BCL7C: variants seen among roughly 807,000 people sequenced by gnomAD.
BCL7C encodes B-cell CLL/lymphoma 7 protein family member C.
BCL7C carries 8 observed loss-of-function variants against 26.2 expected under a neutral mutation model. That is an observed-to-expected ratio of 0.30 (90% CI 0.18 to 0.55). The LOEUF is 0.55. Ranked by LOEUF, BCL7C falls within the 20% of genes least tolerant of loss-of-function variation. The pLI is 0.93. For synonymous variants in BCL7C, 90 were observed against 116.5 expected, an observed-to-expected ratio of 0.77 and a Z score of 1.47; for missense variants, 262 against 298.5, an observed-to-expected ratio of 0.88 and a Z score of 0.90.
chr16:30,884,417 C>T (rs1298857487), downstream of BCL7C, among the ~76,000 whole-genome samples: 1 of 151,756 alleles, frequency 6.6e-6, no homozygotes, highest in Non-Finnish European at 1.5e-5. Context: ...AAGGCTGTCT[C>T]TCCATGTGTG....
At chr16:30,847,566 C>T (rs1334651892) in intron 5 of BCL7C, among the ~76,000 whole-genome samples, 9 of 152,006 alleles carry the variant, frequency 5.9e-5, no homozygotes, top group Admixed American at 5.9e-4. Flanking sequence ...GAGACCAAGG[C>T]GGGTGGATCA....
At chr16:30,837,133 A>T (rs889584810) in intron 5 of BCL7C, among the ~76,000 whole-genome samples, 3 of 151,618 alleles carry the variant, frequency 2.0e-5, no homozygotes, top group African/African-American at 7.3e-5. Context: ...AACTCTCGTC[A>T]CTGAGTGAAA....
chr16:30,839,031 C>T (rs1448648154), intron 5 of BCL7C, among the ~76,000 whole-genome samples: 1 of 152,150 alleles, frequency 6.6e-6, no homozygotes, highest in African/African-American at 2.4e-5. Flanking sequence ...GTATTTGAGT[C>T]CACAGGATCT....
In BCL7C at chr16:30,893,850, C is replaced by T; in HGVS notation, c.92+3G>A. The T allele has an allele frequency of 6.2e-7, 1 of 1,601,298 alleles. No homozygotes were observed. The highest frequency in any genetic ancestry group is 8.5e-7 in the Non-Finnish European group (1 of 1,178,804). On this transcript the variant is annotated splice_donor_region_variant and intron_variant, in intron 1 of 5. Coordinates refer to ENST00000215115, the MANE Select transcript of BCL7C (RefSeq NM_004765.4). This position sits in a 1 kb window ranked among gnomAD's most constrained non-coding sequence, Gnocchi z 5.2. ...CCGTCCCTGGCCCCCGAGCAGCGCTCACCATCTCCGGACCTTCTCGATGGT... is the reference window on the plus strand; with the variant it reads ...CCGTCCCTGGCCCCCGAGCAGCGCTTACCATCTCCGGACCTTCTCGATGGT...
rs2055296478 is a variant in BCL7C, at chr16:30,893,705, CG to C, written c.92+147del. ...AGACCCCCAGGAGTAGCCAGGCGAA[CG>C]GGGACAGAGCCCTGTGGATCCAGGG... is the stretch of plus-strand genomic sequence containing the variant. On this transcript the variant is annotated intron_variant, in intron 1 of 5. Coordinates refer to ENST00000215115, the MANE Select transcript of BCL7C (RefSeq NM_004765.4). This position sits in a 1 kb window ranked among gnomAD's most constrained non-coding sequence, Gnocchi z 5.2. The C allele has an allele frequency of 1.5e-6, 1 of 675,670 alleles. No individual in the cohort carries two copies. The highest frequency in any genetic ancestry group is 2.5e-6 in the Non-Finnish European group (1 of 392,666). 41.9% of individuals were successfully genotyped at this position (675,670 alleles called of 1,614,324 possible).
chr16:30,867,533 C>A (rs1352711272), intron 5 of BCL7C, among the ~76,000 whole-genome samples: 1 of 152,088 alleles, frequency 6.6e-6, no homozygotes. Context: ...ATCAGAGACT[C>A]GGCCATCCCA....
intron 2 of BCL7C, 49 bp from the exon 3 acceptor site, chr16:30,892,997 C>T (rs1450230109): frequency 1.3e-6 from 2 of 1,546,596 alleles, no homozygotes; most frequent in Admixed American, 1.8e-5. Context: ...CCCCACCATA[C>T]ACCTAAGGAA....
In BCL7C at chr16:30,853,038, C is replaced by T. The variant is rs372875104; in HGVS notation, c.529-17890G>A. Among the ~76,000 whole-genome samples, 404 of 151,898 alleles carry T rather than the reference C, an allele frequency of 2.7e-3. 9 individuals carry two copies. The highest frequency in any genetic ancestry group is 0.026 in the South Asian group (124 of 4,810). ...GCACCCTCCGCCTCCTGTGTTCAAG[C>T]GATTCTCCTGTCTCTGCCTCCCGAG... is the stretch of plus-strand genomic sequence containing the variant. On this transcript the variant is annotated intron_variant, in intron 5 of 5. Coordinates refer to the BCL7C transcript ENST00000380317.
Position 30,893,282 on chromosome 16 carries a change from C to G in BCL7C, c.101G>C (p.Arg34Pro). 1 of 1,613,358 alleles carries G rather than the reference C, an allele frequency of 6.2e-7. No individual in the cohort carries two copies. Among genetic ancestry groups the G allele is most frequent in the Non-Finnish European group, 8.5e-7 (1 of 1,179,576 alleles). The change falls in exon 2 of 6, where the codon CGA becomes CCA. Residue 34 changes from arginine (R) to proline (P), a missense_variant. By Grantham distance (103) the Arg-to-Pro change is moderately radical. Coordinates refer to ENST00000215115, the MANE Select transcript of BCL7C (RefSeq NM_004765.4). The surrounding 1 kb of genome is among the most constrained non-coding windows in gnomAD (Gnocchi z 5.2). ...TIEKVRRWEK[R>P]WVTVGDTSLR... ...GGAAGTGTCGCCCACAGTCACCCATCGCTTCTCCCTGTGGGAGGGTGGGGG... is the reference window on the plus strand; with the variant it reads ...GGAAGTGTCGCCCACAGTCACCCATGGCTTCTCCCTGTGGGAGGGTGGGGG...
intron 4 of BCL7C, among the ~76,000 whole-genome samples, chr16:30,891,643 A>T (rs1280117298): frequency 1.3e-5 from 2 of 152,042 alleles, no homozygotes; most frequent in African/African-American, 4.8e-5. Flanking sequence ...TATGTGTCCC[A>T]TATTATTCTG....
At chr16:30,888,788 T>C in intron 5 of BCL7C, 72 bp downstream of exon 5, 1 of 1,456,318 alleles carries the variant, frequency 6.9e-7, no homozygotes, top group South Asian at 1.2e-5. Context: ...GGACGCAGGC[T>C]CCAAGCCTTC....
chr16:30,889,373 A>G (rs2055188144), intron 4 of BCL7C, among the ~76,000 whole-genome samples: 1 of 152,166 alleles, frequency 6.6e-6, no homozygotes, highest in Non-Finnish European at 1.5e-5. Context: ...GGCACACAGT[A>G]AGTGCTCAAT....
chr16:30,838,650 G>A (rs1423879700), intron 5 of BCL7C, among the ~76,000 whole-genome samples: 1 of 152,206 alleles, frequency 6.6e-6, no homozygotes, highest in Non-Finnish European at 1.5e-5. Flanking sequence ...AGCAGGGATT[G>A]GTGGCAGTCA....
intron 5 of BCL7C, among the ~76,000 whole-genome samples, chr16:30,869,630 G>A (rs540875244): frequency 1.3e-5 from 2 of 151,720 alleles, no homozygotes; most frequent in South Asian, 2.1e-4. Context: ...TCCTGCCTTC[G>A]CCTGCAGTGT....
chr16:30,878,245 G>A (rs181567220), intron 5 of BCL7C, among the ~76,000 whole-genome samples: 1 of 151,218 alleles, frequency 6.6e-6, no homozygotes, highest in Admixed American at 6.6e-5. Flanking sequence ...AATGTCTGGG[G>A]TGGGGCCGGG....
chr16:30,849,033 A>G (rs913109317), intron 5 of BCL7C, among the ~76,000 whole-genome samples: 6 of 152,028 alleles, frequency 3.9e-5, no homozygotes, highest in Admixed American at 3.9e-4. Context: ...TAAAAATACA[A>G]AAAATTAACC....
chr16:30,871,597 G>A (rs1023179852), intron 5 of BCL7C, among the ~76,000 whole-genome samples: 1 of 151,858 alleles, frequency 6.6e-6, no homozygotes, highest in African/African-American at 2.4e-5. Flanking sequence ...TGATTCTCCT[G>A]CCTCAGCCTC....
chr16:30,851,332 C>G lies in BCL7C; in HGVS notation c.529-16184G>C, dbSNP rs2054672861. On this transcript the variant is annotated intron_variant, in intron 5 of 5. Transcript: ENST00000380317. ...CTTGGCTCATCGCAACCTCCACCTT[C>G]CGGGTTCAAGCAGTTCTCTTGCCTC... The G allele has an allele frequency of 1.5e-5, 3 of 197,498 alleles. No individual in the cohort carries two copies. The South Asian group carries it at 2.7e-4, about 18-fold the overall frequency. The allele number at this position is 197,498 out of a possible 1,614,324, so 12.2% of individuals were successfully genotyped here.
intron 5 of BCL7C, among the ~76,000 whole-genome samples, chr16:30,879,989 CAAA>C (rs140370364): frequency 7.2e-6 from 1 of 139,788 alleles, no homozygotes; most frequent in Non-Finnish European, 1.6e-5. Context: ...GATTCCGTCT[CAAA>C]AAAAAAAAAA....
Sources: allele counts gnomAD v4.1 joint callset (sites outside exome capture counted in the v4.1 genomes callset), GRCh38; gene constraint gnomAD v4.1.1; non-coding constraint Gnocchi (gnomAD v3.1); transcripts MANE v1.5; gene names NCBI Gene and HGNC (gene_info 2026-07-23, HGNC 2026-07-21).